The following TTLL4 variants were observed in gnomAD, a reference collection of about 807,000 sequenced individuals.
The protein encoded by TTLL4 is tubulin monoglutamylase TTLL4.
In TTLL4, 85 loss-of-function variants were observed where a neutral mutation model predicts 122.7. The ratio of observed to expected loss-of-function variants is 0.69; its 90% CI spans 0.58 to 0.83. The LOEUF (loss-of-function observed/expected upper bound fraction) is 0.83. Ranked by LOEUF, TTLL4 falls within the 40% of genes least tolerant of loss-of-function variation. The pLI, the probability that TTLL4 is intolerant of heterozygous loss-of-function variation, is 0.00. For missense variants in TTLL4, 1,363 were observed against 1,488.6 expected, an observed-to-expected ratio of 0.92 and a Z score of 1.39; for synonymous variants, 553 against 563.0, an observed-to-expected ratio of 0.98 and a Z score of 0.25.
intron 2 of TTLL4, among the ~76,000 whole-genome samples, chr2:218,733,488 C>T (rs1425483827): frequency 1.3e-5 from 2 of 152,154 alleles, no homozygotes; most frequent in Non-Finnish European, 2.9e-5. Flanking sequence ...AAATCCGCCT[C>T]CATGATCCAG....
chr2:218,745,355 C>CA, intron 6 of TTLL4, 122 bp downstream of exon 6: 2 of 1,349,086 alleles, frequency 1.5e-6, no homozygotes, highest in Non-Finnish European at 2.1e-6. Flanking sequence ...GCAGTTGTCA[C>CA]ACTGTGCTCA....
intron 8 of TTLL4, chr2:218,746,503 T>C: frequency 2.0e-6 from 1 of 496,652 alleles, no homozygotes; most frequent in Non-Finnish European, 3.6e-6. Flanking sequence ...TAGGAGGGTG[T>C]AACTCTGAAA....
chr2:218,715,549 G>GCAGTTGCAACA (rs1941832608), intron 1 of TTLL4, among the ~76,000 whole-genome samples: 1 of 152,082 alleles, frequency 6.6e-6, no homozygotes, highest in African/African-American at 2.4e-5. Context: ...AGTATTCTCT[G>GCAGTTGCAACA]CAGTTGCAAC....
Position 218,738,257 on chromosome 2 carries a change from G to A in TTLL4, c.581G>A (p.Gly194Glu). The A allele has an allele frequency of 6.2e-7, 1 of 1,613,894 alleles. No homozygotes were observed. The highest frequency in any genetic ancestry group is 1.1e-5 in the South Asian group (1 of 91,066). Reference protein sequence around the residue: ...CLAAAGENPSGKSLASAISGK... With the variant: ...CLAAAGENPSEKSLASAISGK... ...GCAGCGGCTGGGGAAAACCCTTCAG[G>A]GAAGAGCCTGGCCTCTGCCATCTCA... Residue 194 changes from glycine to glutamate, a missense_variant, in exon 3 of 20, where the codon GGG becomes GAG. Transcript: ENST00000392102.
rs576427704 is a variant in TTLL4, at chr2:218,750,120, C to T, written c.2847C>T (p.Pro949=). Residue 949 remains proline, a synonymous_variant, in exon 15 of 20, where the codon CCC becomes CCT. Transcript: ENST00000392102. ...ATGCAGAGGATATCATTTCCAGCCC[C>T]AGCAGCTGCAGCAGCTCCACCACCA... ...LPNAEDIISS[P]SSCSSSTTSL... 1 of 1,613,898 alleles carries T rather than the reference C, an allele frequency of 6.2e-7. No homozygotes were observed. Among genetic ancestry groups the T allele is most frequent in the African/African-American group, 1.3e-5 (1 of 75,036 alleles).
chr2:218,716,706 G>A (rs545945621), intron 1 of TTLL4, among the ~76,000 whole-genome samples: 1 of 152,206 alleles, frequency 6.6e-6, no homozygotes, highest in South Asian at 2.1e-4. Context: ...GGAGAATGGC[G>A]TGAACCCAGG....
At position 218,745,234 on chromosome 2, in the gene TTLL4, G is replaced by A; in HGVS notation, c.1786+1G>A. On this transcript the variant is annotated splice_donor_variant, in intron 6 of 19. Transcript: ENST00000392102. LOFTEE classifies it high-confidence loss of function. ...TATTTTGGCACTCGGGATGAGAGAGGTAAACCTGGCCAAGTGTCAAAGCCC... is the reference window on the plus strand; with the variant it reads ...TATTTTGGCACTCGGGATGAGAGAGATAAACCTGGCCAAGTGTCAAAGCCC... 1 of 1,613,944 alleles carries A rather than the reference G, an allele frequency of 6.2e-7. No homozygotes were observed. Among genetic ancestry groups the A allele is most frequent in the Non-Finnish European group, 8.5e-7 (1 of 1,179,892 alleles).
chr2:218,718,390 T>G (rs77245088), intron 1 of TTLL4, among the ~76,000 whole-genome samples: 2 of 152,118 alleles, frequency 1.3e-5, no homozygotes, highest in East Asian at 3.9e-4. Flanking sequence ...TTTTTTTTTT[T>G]CTTTTGAGAC....
At chr2:218,749,524 A>G in intron 14 of TTLL4, 137 bp downstream of exon 14, 1 of 1,309,684 alleles carries the variant, frequency 7.6e-7, no homozygotes, top group Non-Finnish European at 1.0e-6. Context: ...GCTGGAGTGC[A>G]GTGGCGCAAT....
In TTLL4 at chr2:218,729,762, AC is replaced by A. The variant is rs1233802716; in HGVS notation, c.-99+2416del. Among the ~76,000 whole-genome samples the A allele has an allele frequency of 4.1e-3, 581 of 142,302 alleles. 5 individuals carry two copies. Among genetic ancestry groups the A allele is most frequent in the African/African-American group, 0.016 (537 of 34,300 alleles). The allele number at this position is 142,302 out of a possible 152,430, so 93.4% of individuals were successfully genotyped here. A position where few individuals can be genotyped will look rare whatever the true frequency, so the allele number is the denominator to read the frequency against. Reference sequence around the variant, plus strand: ...CTCTCTCTTTTTAAAAAAAAAAAAAACAAAAAAAAAAAAAACAGGATCTTAT... The same window carrying A: ...CTCTCTCTTTTTAAAAAAAAAAAAAAAAAAAAAAAAAAAACAGGATCTTAT... On this transcript the variant is annotated intron_variant, in intron 2 of 19. Coordinates refer to ENST00000392102, the MANE Select transcript of TTLL4 (RefSeq NM_014640.5).
Position 218,748,944 on chromosome 2 carries a change from A to G in TTLL4, c.2600+10A>G, listed in dbSNP as rs371646923. The G allele has an allele frequency of 5.0e-6, 8 of 1,613,662 alleles. No individual in the cohort carries two copies. The African/African-American group carries it at 6.7e-5, about 13-fold the overall frequency. On this transcript the variant is annotated intron_variant, in intron 13 of 19. Coordinates refer to ENST00000392102, the MANE Select transcript of TTLL4 (RefSeq NM_014640.5). ...TCAAAACTATCATCTCGTGAGTCAC[A>G]TTGCCAACCTGGATGTGGGGCCTGC... is the stretch of plus-strand genomic sequence containing the variant.
At chr2:218,716,434 T>G (rs1156534056) in intron 1 of TTLL4, among the ~76,000 whole-genome samples, 1 of 150,030 alleles carries the variant, frequency 6.7e-6, no homozygotes, top group Non-Finnish European at 1.5e-5. Context: ...ACTTCACATT[T>G]TATCACACAG....
chr2:218,746,165 C>T lies in TTLL4; in HGVS notation c.1908C>T (p.Asp636=). ...SHFKISKRND[D]WLGCWGHHMK... is the part of the protein sequence containing the mutation. ...ATGTACCTCCCATAGGAAACGATGA[C>T]TGGCTGGGCTGCTGGGGTCACCACA... The change falls in exon 8 of 20, where the codon GAC becomes GAT. Residue 636 remains aspartate (D), a synonymous_variant. Coordinates refer to ENST00000392102, the MANE Select transcript of TTLL4 (RefSeq NM_014640.5). 6.2e-7 allele frequency: 1 copy of T among 1,614,172 alleles called. No homozygotes were observed. The highest frequency in any genetic ancestry group is 8.5e-7 in the Non-Finnish European group (1 of 1,180,042).
chr2:218,744,682 T>A (rs1182948010), intron 5 of TTLL4, among the ~76,000 whole-genome samples: 1 of 152,226 alleles, frequency 6.6e-6, no homozygotes, highest in Non-Finnish European at 1.5e-5. Flanking sequence ...TCTCTACACC[T>A]CAGATCTTGT....
downstream of TTLL4, among the ~76,000 whole-genome samples, chr2:218,759,019 G>C (rs1231292951): frequency 6.6e-6 from 1 of 152,172 alleles, no homozygotes; most frequent in Non-Finnish European, 1.5e-5. Context: ...CAGGGCAGGT[G>C]GATCACCTGA....
In TTLL4 at chr2:218,753,452, C is replaced by T. The variant is rs557953405; in HGVS notation, c.3259-132C>T. ...ACTGAGACTTTTACCCACCTGGGCC[C>T]ATGCCTGAGGGGTAGGGAAGGGGAG... On this transcript the variant is annotated intron_variant, in intron 18 of 19. Coordinates refer to ENST00000392102, the MANE Select transcript of TTLL4 (RefSeq NM_014640.5). 2.2e-5 allele frequency: 21 copies of T among 969,686 alleles called. No homozygotes were observed. The African/African-American group carries it at 3.0e-4, about 14-fold the overall frequency. The allele number at this position is 969,686 out of a possible 1,614,324, so 60.1% of individuals were successfully genotyped here.
At chr2:218,726,606 C>G (rs1471426472) in intron 1 of TTLL4, among the ~76,000 whole-genome samples, 1 of 150,836 alleles carries the variant, frequency 6.6e-6, no homozygotes, top group Admixed American at 6.6e-5. Flanking sequence ...GCTGGGATTA[C>G]AGGCGTGTGC....
chr2:218,729,411 T>TC (rs2106412780), intron 2 of TTLL4, among the ~76,000 whole-genome samples: 1 of 152,244 alleles, frequency 6.6e-6, no homozygotes, highest in African/African-American at 2.4e-5. Context: ...AACGGTCTCC[T>TC]CTTCATACTT....
downstream of TTLL4, among the ~76,000 whole-genome samples, chr2:218,756,702 A>G (rs1057095439): frequency 1.3e-5 from 2 of 152,186 alleles, no homozygotes; most frequent in Non-Finnish European, 2.9e-5. Context: ...TAGAATAAAT[A>G]TTTGTCAGAA....
Sources: allele counts gnomAD v4.1 joint callset (sites outside exome capture counted in the v4.1 genomes callset), GRCh38; gene constraint gnomAD v4.1.1; transcripts MANE v1.5; gene names NCBI Gene and HGNC (gene_info 2026-07-23, HGNC 2026-07-21).